TMEM132B: variants seen among roughly 807,000 people sequenced by gnomAD.
TMEM132B encodes the protein transmembrane protein 132B.
TMEM132B carries 18 observed loss-of-function variants against 90.8 expected under a neutral mutation model. That is an observed-to-expected ratio of 0.20 (90% CI 0.14 to 0.29). TMEM132B has a LOEUF of 0.29. Among genes scored for constraint, TMEM132B ranks in the 10% least tolerant of loss-of-function variants. The probability of loss-of-function intolerance (pLI) is 1.00; values close to 1 mark genes in which losing one functional copy is unlikely to be tolerated. For missense variants in TMEM132B, 1,096 were observed against 1,326.8 expected (o/e 0.83, Z 2.70); for synonymous variants, 504 against 523.3 (o/e 0.96, Z 0.50).
At chr12:125,337,801 C>A (rs374705675) in intron 1 of TMEM132B, among the ~76,000 whole-genome samples, 1 of 152,212 alleles carries the variant, frequency 6.6e-6, no homozygotes, top group Non-Finnish European at 1.5e-5. Context: ...CAAAGTCATA[C>A]ATGCAGATGG....
intron 3 of TMEM132B, among the ~76,000 whole-genome samples, chr12:125,432,996 G>A (rs969347828): frequency 3.3e-5 from 5 of 152,162 alleles, no homozygotes; most frequent in Non-Finnish European, 5.9e-5. Flanking sequence ...AAGTGGGAAC[G>A]AGAAGGAGGC....
At chr12:125,214,896 T>C (rs752778240) in intron 1 of TMEM132B, among the ~76,000 whole-genome samples, 3 of 152,220 alleles carry the variant, frequency 2.0e-5, no homozygotes, top group Non-Finnish European at 2.9e-5. Context: ...AGGGCATTGC[T>C]TCCCTGCTCC....
intron 2 of TMEM132B, among the ~76,000 whole-genome samples, chr12:125,387,197 G>T (rs1366320876): frequency 1.3e-5 from 2 of 152,100 alleles, no homozygotes; most frequent in Non-Finnish European, 2.9e-5. Context: ...GTGATCCATT[G>T]CATAGGAAGT....
At position 125,490,557 on chromosome 12, in the gene TMEM132B, G is replaced by A. The variant is rs768132969; in HGVS notation, c.1107-28882G>A. ...CAGCTCACTGCAAGCTCTGCCTCCC[G>A]GGTTCACACCATTCTCCTGCCTTAG... is the stretch of plus-strand genomic sequence containing the variant. On this transcript the variant is annotated intron_variant, in intron 3 of 8. Coordinates refer to ENST00000682704, the MANE Select transcript of TMEM132B (RefSeq NM_001366854.1). The surrounding 1 kb of genome is among the most constrained non-coding windows in gnomAD (Gnocchi z 4.2). 5.3e-5 allele frequency among the ~76,000 whole-genome samples: 8 copies of A among 151,950 alleles called. No individual in the cohort carries two copies. Among genetic ancestry groups the A allele is most frequent in the Non-Finnish European group, 7.4e-5 (5 of 67,994 alleles).
intron 5 of TMEM132B, among the ~76,000 whole-genome samples, chr12:125,618,593 C>T (rs1352048396): frequency 6.6e-6 from 1 of 152,208 alleles, no homozygotes; most frequent in African/African-American, 2.4e-5. Flanking sequence ...CAGAGATTTT[C>T]TTAAATCGAT....
At chr12:125,301,911 G>GA (rs1210594461) in intron 1 of TMEM132B, 1 of 35,624 alleles carries the variant, frequency 2.8e-5, no homozygotes, top group African/African-American at 1.1e-4. Flanking sequence ...AACAAAAAAA[G>GA]AAAAAATTGG....
chr12:125,275,416 G>A (rs1177914372), intron 1 of TMEM132B, among the ~76,000 whole-genome samples: 3 of 152,186 alleles, frequency 2.0e-5, no homozygotes, highest in Non-Finnish European at 2.9e-5. Context: ...TGATGATCAT[G>A]GCTGAGGAAT....
Position 125,349,647 on chromosome 12 carries a change from T to G in TMEM132B, c.263T>G (p.Ile88Ser). The G allele has an allele frequency of 1.2e-6, 2 of 1,614,136 alleles. No homozygotes were observed. The highest frequency in any genetic ancestry group is 3.3e-4 in the Middle Eastern group (2 of 6,062). Reference sequence around the variant, plus strand: ...ATCTACCGAGCCAGGACACCCCCTATTATCAATGCCAGCTATGGCCCATTT... The same window carrying G: ...ATCTACCGAGCCAGGACACCCCCTAGTATCAATGCCAGCTATGGCCCATTT... The part of the protein sequence containing the change: ...FFIYRARTPP[I>S]INASYGPFSV... Residue 88 changes from isoleucine (I) to serine (S), a missense_variant, in exon 2 of 9, where the codon ATT becomes AGT. Transcript: ENST00000682704. The surrounding 1 kb of genome is among the most constrained non-coding windows in gnomAD (Gnocchi z 4.1).
At position 125,503,218 on chromosome 12, in the gene TMEM132B, C is replaced by A. The variant is rs544652625; in HGVS notation, c.1107-16221C>A. On this transcript the variant is annotated intron_variant, in intron 3 of 8. Coordinates refer to ENST00000682704, the MANE Select transcript of TMEM132B (RefSeq NM_001366854.1). Reference sequence around the variant, plus strand: ...TTAGTTGTGAGGCCCAAGCGCAGCCCCCTCCCCTCCCCGGGCTGTGCTTTG... The same window carrying A: ...TTAGTTGTGAGGCCCAAGCGCAGCCACCTCCCCTCCCCGGGCTGTGCTTTG... Among the ~76,000 whole-genome samples the A allele has an allele frequency of 6.6e-5, 10 of 152,290 alleles. No homozygotes were observed. The East Asian group carries it at 9.7e-4, about 15-fold the overall frequency.
chr12:125,403,107 GT>G (rs1235920918), intron 2 of TMEM132B, among the ~76,000 whole-genome samples: 1 of 152,220 alleles, frequency 6.6e-6, no homozygotes, highest in Non-Finnish European at 1.5e-5. Context: ...TCCAATGTCT[GT>G]TAGTTGTAAA....
chr12:125,627,577 G>C (rs1886262952), intron 5 of TMEM132B, among the ~76,000 whole-genome samples: 2 of 151,956 alleles, frequency 1.3e-5, no homozygotes, highest in South Asian at 2.1e-4. Flanking sequence ...GGGTACATGA[G>C]ATGTTTTGAT....
intron 1 of TMEM132B, among the ~76,000 whole-genome samples, chr12:125,295,184 A>T (rs1276123239): frequency 1.3e-5 from 2 of 152,252 alleles, no homozygotes; most frequent in Non-Finnish European, 2.9e-5. Flanking sequence ...AAAAAAGCTC[A>T]TTAGTGTGAT....
intron 3 of TMEM132B, among the ~76,000 whole-genome samples, chr12:125,511,696 C>CA (rs1189973609): frequency 7.3e-5 from 11 of 151,576 alleles, no homozygotes; most frequent in African/African-American, 2.7e-4. Flanking sequence ...ACTAAAAATA[C>CA]AAAAAATTAG....
At position 125,186,655 on chromosome 12, in the gene TMEM132B, A is replaced by C. The variant is rs7487033; in HGVS notation, c.-145A>C. Reference sequence around the variant, plus strand: ...GAGGAAGCGCCGCCAGCGCCGGCGCATGCGTCTGGGGAGGAGCGGCGCGCT... The same window carrying C: ...GAGGAAGCGCCGCCAGCGCCGGCGCCTGCGTCTGGGGAGGAGCGGCGCGCT... On this transcript the variant is annotated 5_prime_UTR_variant, in exon 1 of 9. An upstream start codon of the reference 5' UTR is lost. Transcript: ENST00000682704. This position sits in a 1 kb window ranked among gnomAD's most constrained non-coding sequence, Gnocchi z 6.3. 1 allele frequency among the ~76,000 whole-genome samples: 146,724 copies of C among 146,724 alleles called. 73,362 individuals are homozygous for C. The highest frequency in any genetic ancestry group is 1 in the Non-Finnish European group (65,932 of 65,932).
intron 1 of TMEM132B, among the ~76,000 whole-genome samples, chr12:125,231,600 C>T (rs1593049363): frequency 6.6e-6 from 1 of 152,120 alleles, no homozygotes; most frequent in Non-Finnish European, 1.5e-5. Flanking sequence ...AGTGGTGGAA[C>T]TCTTTTCTCC....
chr12:125,202,059 C>T (rs1166888587), intron 1 of TMEM132B, among the ~76,000 whole-genome samples: 1 of 152,226 alleles, frequency 6.6e-6, no homozygotes, highest in Non-Finnish European at 1.5e-5. Context: ...TCTCCTCCCC[C>T]TCCCATGGGC....
intron 2 of TMEM132B, among the ~76,000 whole-genome samples, chr12:125,372,993 T>G (rs1878344452): frequency 1.3e-5 from 2 of 152,210 alleles, no homozygotes; most frequent in South Asian, 4.1e-4. Flanking sequence ...TGTCCCCTTT[T>G]CCCCGACCAT....
At chr12:125,594,473 G>A (rs368277936) in intron 5 of TMEM132B, among the ~76,000 whole-genome samples, 3 of 152,134 alleles carry the variant, frequency 2.0e-5, no homozygotes, top group South Asian at 2.1e-4. Flanking sequence ...TTCTAAAGTG[G>A]TTACACCATT....
rs1235281570 is a variant in TMEM132B at position 125,186,715 on chromosome 12, G to GC, written c.-83dup. 3 of 146,652 alleles carry GC rather than the reference G, an allele frequency of 2.0e-5. No individual in the cohort carries two copies. The highest frequency in any genetic ancestry group is 4.6e-5 in the Non-Finnish European group (3 of 65,916). The allele number at this position is 146,652 out of a possible 1,614,324, so 9.1% of individuals were successfully genotyped here. A position where few individuals can be genotyped will look rare whatever the true frequency, so the allele number is the denominator to read the frequency against. On this transcript the variant is annotated 5_prime_UTR_variant, in exon 1 of 9. Transcript: ENST00000682704. The surrounding 1 kb of genome is among the most constrained non-coding windows in gnomAD (Gnocchi z 6.3). ...CCATGCCCGGCGCCCGGGCGTAGCC[G>GC]CCGGGGGCTGCTCCGGGAGCCGCGG...
Sources: gnomAD v4.1 joint callset for allele counts (sites outside exome capture counted in the v4.1 genomes callset) on GRCh38, gnomAD v4.1.1 for gene constraint, Gnocchi (gnomAD v3.1) non-coding constraint, MANE v1.5 for transcripts, NCBI Gene and HGNC (gene_info 2026-07-23, HGNC 2026-07-21) for gene names.